Variants in MARCHF1 observed in about 807,000 individuals in gnomAD.
MARCHF1 encodes the protein E3 ubiquitin-protein ligase MARCHF1.
Under a neutral mutation model 54.2 loss-of-function variants are expected in MARCHF1, and 40 were observed. The observed-to-expected ratio is 0.74, with a 90% CI of 0.57 to 0.96. The LOEUF is 0.96. MARCHF1 is among the 40% of genes least tolerant of loss of function. MARCHF1 has a pLI of 0.00. For synonymous variants in MARCHF1, 236 were observed against 236.3 expected (o/e 1.00, Z 0.01); for missense variants, 586 against 656.5 (o/e 0.89, Z 1.17).
intron 4 of MARCHF1, among the ~76,000 whole-genome samples, chr4:163,809,692 G>A (rs1223890482): frequency 2.0e-5 from 3 of 151,724 alleles, no homozygotes; most frequent in Non-Finnish European, 4.4e-5. Flanking sequence ...CATATATCAT[G>A]TATATTATAT....
At chr4:164,119,078 C>T (rs1033662676) in intron 1 of MARCHF1, among the ~76,000 whole-genome samples, 8 of 151,342 alleles carry the variant, frequency 5.3e-5, no homozygotes, top group Non-Finnish European at 1.2e-4. Context: ...GAAGGCACAT[C>T]TTCTTCAAAT....
chr4:163,694,786 A>T (rs1433659794), intron 5 of MARCHF1, among the ~76,000 whole-genome samples: 1 of 152,140 alleles, frequency 6.6e-6, no homozygotes, highest in African/African-American at 2.4e-5. Context: ...ATATAAAGTT[A>T]TGAGGCTAAA....
intron 5 of MARCHF1, among the ~76,000 whole-genome samples, chr4:163,628,692 C>A (rs992379757): frequency 6.6e-6 from 1 of 152,218 alleles, no homozygotes; most frequent in Non-Finnish European, 1.5e-5. Context: ...TAAGCAACTT[C>A]AGCAAAGTCT....
In MARCHF1 at chr4:163,720,975, C is replaced by G. The variant is rs904774863; in HGVS notation, c.112-20112G>C. On this transcript the variant is annotated intron_variant, in intron 4 of 9. Transcript: ENST00000514618. ...AATATACAATCATGTCATCTGCAGA[C>G]AGGGACAATTTGACTTCCTCTTTTC... Among the ~76,000 whole-genome samples the G allele has an allele frequency of 2.6e-5, 4 of 152,292 alleles. No individual in the cohort carries two copies. The South Asian group carries it at 8.3e-4, about 32-fold the overall frequency.
chr4:164,116,767 A>ATG (rs954106821), intron 1 of MARCHF1, among the ~76,000 whole-genome samples: 3 of 151,858 alleles, frequency 2.0e-5, no homozygotes, highest in East Asian at 1.9e-4. Context: ...CAAGAAACAA[A>ATG]TGTGTGTGTG....
chr4:163,937,524 A>T (rs973138234), intron 3 of MARCHF1, among the ~76,000 whole-genome samples: 2 of 151,432 alleles, frequency 1.3e-5, no homozygotes, highest in Non-Finnish European at 2.9e-5. Context: ...ATATACATAT[A>T]TATAACACAT....
chr4:164,368,594 A>T (rs887911074), intron 1 of MARCHF1, among the ~76,000 whole-genome samples: 2 of 152,194 alleles, frequency 1.3e-5, no homozygotes, highest in Non-Finnish European at 2.9e-5. Flanking sequence ...TAGCTACAAC[A>T]ATCCTAAAAA....
intron 1 of MARCHF1, among the ~76,000 whole-genome samples, chr4:164,342,920 T>C (rs1203103935): frequency 1.3e-5 from 2 of 152,092 alleles, no homozygotes; most frequent in Non-Finnish European, 2.9e-5. Context: ...ATCTTACTTA[T>C]ACGTGGAATC....
At chr4:163,578,661 T>C (rs1346064082) in intron 8 of MARCHF1, among the ~76,000 whole-genome samples, 1 of 152,190 alleles carries the variant, frequency 6.6e-6, no homozygotes, top group Non-Finnish European at 1.5e-5. Flanking sequence ...TTTGTATATC[T>C]TTAGATATGA....
intron 2 of MARCHF1, among the ~76,000 whole-genome samples, chr4:164,069,847 A>G (rs1300928944): frequency 6.6e-6 from 1 of 152,182 alleles, no homozygotes; most frequent in African/African-American, 2.4e-5. Flanking sequence ...TACAATAGAG[A>G]AGACGTGGAA....
At chr4:164,067,052 T>C (rs1005329556) in intron 2 of MARCHF1, among the ~76,000 whole-genome samples, 1 of 152,174 alleles carries the variant, frequency 6.6e-6, no homozygotes, top group Non-Finnish European at 1.5e-5. Context: ...TTAATAGTAT[T>C]AATTTTCCTC....
intron 1 of MARCHF1, among the ~76,000 whole-genome samples, chr4:164,303,151 T>A (rs1396802663): frequency 6.6e-6 from 1 of 152,148 alleles, no homozygotes; most frequent in Non-Finnish European, 1.5e-5. Context: ...TAGTTTGGAA[T>A]AAGTCATGCC....
chr4:164,048,987 T>A (rs1754298470), intron 2 of MARCHF1, among the ~76,000 whole-genome samples: 1 of 152,234 alleles, frequency 6.6e-6, no homozygotes, highest in South Asian at 2.1e-4. Flanking sequence ...GAGGCCAATT[T>A]AACACTGATA....
intron 3 of MARCHF1, among the ~76,000 whole-genome samples, chr4:163,956,630 A>T (rs538895009): frequency 6.6e-6 from 1 of 152,250 alleles, no homozygotes; most frequent in Admixed American, 6.5e-5. Flanking sequence ...TTATATGCAA[A>T]ATTGTAATAT....
chr4:163,599,157 C>T (rs150751367), intron 7 of MARCHF1, among the ~76,000 whole-genome samples: 1,878 of 152,046 alleles, frequency 0.012, 40 homozygotes, highest in South Asian at 0.039. Flanking sequence ...GGCGTGGTGG[C>T]GGGCGCCTGT....
chr4:164,262,941 G>C (rs1733507469), intron 1 of MARCHF1, among the ~76,000 whole-genome samples: 1 of 152,080 alleles, frequency 6.6e-6, no homozygotes. Flanking sequence ...TAATGCTAAG[G>C]ATATAACAAG....
chr4:164,259,161 G>A (rs945265334), intron 1 of MARCHF1, among the ~76,000 whole-genome samples: 1 of 151,982 alleles, frequency 6.6e-6, no homozygotes, highest in Non-Finnish European at 1.5e-5. Flanking sequence ...TGCTGTAGAG[G>A]CAGATCATAC....
At chr4:163,827,463 G>A (rs1748886287) in intron 4 of MARCHF1, among the ~76,000 whole-genome samples, 1 of 152,158 alleles carries the variant, frequency 6.6e-6, no homozygotes, top group Non-Finnish European at 1.5e-5. Flanking sequence ...TATTTTATTT[G>A]ACATAAGATA....
intron 1 of MARCHF1, among the ~76,000 whole-genome samples, chr4:164,377,686 T>A (rs923023852): frequency 5.3e-5 from 8 of 152,096 alleles, no homozygotes; most frequent in Admixed American, 2.0e-4. Flanking sequence ...TTTTACCAAT[T>A]TATTATGTTT....
Sources: allele counts gnomAD v4.1 joint callset (sites outside exome capture counted in the v4.1 genomes callset), GRCh38; gene constraint gnomAD v4.1.1; transcripts MANE v1.5; gene names NCBI Gene and HGNC (gene_info 2026-07-23, HGNC 2026-07-21).